The following VCPIP1 variants were observed in gnomAD, a reference collection of about 807,000 sequenced individuals.
VCPIP1 encodes the protein valosin containing protein interacting protein 1.
Under a neutral mutation model 85.0 loss-of-function variants are expected in VCPIP1, and 8 were observed. The ratio of observed to expected loss-of-function variants is 0.09; its 90% confidence interval spans 0.06 to 0.17. The LOEUF is 0.17. Among genes scored for constraint, VCPIP1 ranks in the 10% least tolerant of loss-of-function variants. The pLI is 1.00. For synonymous variants in VCPIP1, 543 were observed against 544.5 expected (o/e 1.00, Z 0.04); for missense variants, 1,070 against 1,486.3 (o/e 0.72, Z 4.61).
At chr8:66,643,058 C>T (rs1810962432) in intron 2 of VCPIP1, among the ~76,000 whole-genome samples, 2 of 152,314 alleles carry the variant, frequency 1.3e-5, no homozygotes, top group East Asian at 1.9e-4. Flanking sequence ...CATGGTGGCT[C>T]ACACCTGTAA....
At chr8:66,643,467 C>T (rs1810966725) in intron 2 of VCPIP1, among the ~76,000 whole-genome samples, 3 of 152,010 alleles carry the variant, frequency 2.0e-5, no homozygotes, top group African/African-American at 7.2e-5. Context: ...TTTGGAAGGC[C>T]AAGGTGGGTA....
intron 2 of VCPIP1, among the ~76,000 whole-genome samples, chr8:66,645,056 C>T (rs1345704643): frequency 6.8e-6 from 1 of 147,304 alleles, no homozygotes; most frequent in East Asian, 2.0e-4. Context: ...GTGGGGGTTG[C>T]AGTGGGCTAA....
At chr8:66,659,311 A>G (rs1399593234) in intron 1 of VCPIP1, among the ~76,000 whole-genome samples, 1 of 151,856 alleles carries the variant, frequency 6.6e-6, no homozygotes, top group African/African-American at 2.4e-5. Flanking sequence ...TGAATGACAT[A>G]TTTTGCAAAG....
At chr8:66,658,341 A>AG (rs200150369) in intron 1 of VCPIP1, among the ~76,000 whole-genome samples, 3,730 of 151,152 alleles carry the variant, frequency 0.025, 133 homozygotes, top group African/African-American at 0.085. Context: ...CTTGGGGAAA[A>AG]AAAAAAAAAA....
chr8:66,639,321 CTTTT>C (rs57563619), intron 2 of VCPIP1, among the ~76,000 whole-genome samples: 1 of 67,814 alleles, frequency 1.5e-5, no homozygotes, highest in East Asian at 5.3e-4. Flanking sequence ...TAATTTTATT[CTTTT>C]TTTTTTTTTT....
At position 66,632,866 on chromosome 8, in the gene VCPIP1, T is replaced by C. The variant is rs1810847690; in HGVS notation, c.*1635A>G. 1.3e-5 allele frequency: 2 copies of C among 152,108 alleles called. No individual in the cohort carries two copies. Among genetic ancestry groups the C allele is most frequent in the African/African-American group, 4.8e-5 (2 of 41,454 alleles). The allele number at this position is 152,108 out of a possible 1,614,324, so 9.4% of individuals were successfully genotyped here. A position where few individuals can be genotyped will look rare whatever the true frequency, so the allele number is the denominator to read the frequency against. ...AAAAGTTTAAAAATTTCCTGCTGTTTTGATAGGGAGAAAATTTAGGATGAA... is the reference window on the plus strand; with the variant it reads ...AAAAGTTTAAAAATTTCCTGCTGTTCTGATAGGGAGAAAATTTAGGATGAA... On this transcript the variant is annotated 3_prime_UTR_variant, in exon 3 of 3. Coordinates refer to ENST00000310421, the MANE Select transcript of VCPIP1 (RefSeq NM_025054.5).
In VCPIP1 at chr8:66,664,969, T is replaced by C; in HGVS notation, c.1990A>G (p.Thr664Ala). 1 of 1,613,682 alleles carries C rather than the reference T, an allele frequency of 6.2e-7. No homozygotes were observed. The highest frequency in any genetic ancestry group is 2.2e-5 in the East Asian group (1 of 44,866). Residue 664 changes from threonine (T) to alanine (A), a missense_variant, in exon 1 of 3, where the codon ACT becomes GCT. By Grantham distance (58) the Thr-to-Ala change is moderately conservative. This residue lies in a region of VCPIP1 where 278 missense variants were observed against 298.5 expected (regional missense o/e 0.93). Coordinates refer to ENST00000310421, the MANE Select transcript of VCPIP1 (RefSeq NM_025054.5). ...QTAKKNPDDY[T>A]PVNIDGAHAQ... ...TGAGCACCATCTATATTTACAGGAG[T>C]ATAATCATCGGGATTCTTTTTGGCA...
chr8:66,657,678 A>G (rs1811113589), intron 1 of VCPIP1, among the ~76,000 whole-genome samples: 1 of 152,226 alleles, frequency 6.6e-6, no homozygotes, highest in African/African-American at 2.4e-5. Flanking sequence ...ACACATCCCA[A>G]TTTATTAATA....
In VCPIP1 at chr8:66,629,418, A is replaced by G. The variant is rs1162514050; in HGVS notation, c.*5083T>C. 1 of 152,220 alleles carries G rather than the reference A, an allele frequency of 6.6e-6. No individual in the cohort carries two copies. The highest frequency in any genetic ancestry group is 1.5e-5 in the Non-Finnish European group (1 of 68,026). The allele number at this position is 152,220 out of a possible 1,614,324, so 9.4% of individuals were successfully genotyped here. A position where few individuals can be genotyped will look rare whatever the true frequency, so the allele number is the denominator to read the frequency against. The stretch of plus-strand genomic sequence containing the variant: ...TACACAAACGTTATTTAGTACTATT[A>G]TCTGTATTTCCTTTCATTTCCTTAT... On this transcript the variant is annotated 3_prime_UTR_variant, in exon 3 of 3. Transcript: ENST00000310421.
intron 2 of VCPIP1, among the ~76,000 whole-genome samples, chr8:66,647,267 G>T (rs1292611599): frequency 6.6e-6 from 1 of 151,780 alleles, no homozygotes; most frequent in East Asian, 1.9e-4. Flanking sequence ...CTTGAATCTG[G>T]GAGGCAGAGG....
chr8:66,650,539 C>T (rs1811041979), intron 2 of VCPIP1, among the ~76,000 whole-genome samples: 1 of 152,098 alleles, frequency 6.6e-6, no homozygotes, highest in Admixed American at 6.6e-5. Context: ...TACACTTGTA[C>T]ACAAGTCTAT....
chr8:66,646,537 T>C (rs1218542685), intron 2 of VCPIP1, among the ~76,000 whole-genome samples: 1 of 152,180 alleles, frequency 6.6e-6, no homozygotes, highest in Non-Finnish European at 1.5e-5. Context: ...GGTTCACGCC[T>C]GTAATCCCAA....
chr8:66,642,243 G>A (rs1810955242), intron 2 of VCPIP1, among the ~76,000 whole-genome samples: 1 of 151,928 alleles, frequency 6.6e-6, no homozygotes, highest in African/African-American at 2.4e-5. Flanking sequence ...TATTTTCTCT[G>A]GAGAGAAATT....
In VCPIP1 at chr8:66,665,080, T is replaced by C. The variant is rs1344256234; in HGVS notation, c.1879A>G (p.Met627Val). 8 of 1,613,956 alleles carry C rather than the reference T, an allele frequency of 5.0e-6. No homozygotes were observed. Among genetic ancestry groups the C allele is most frequent in the African/African-American group, 1.3e-5 (1 of 74,940 alleles). Residue 627 changes from methionine (M) to valine (V), a missense_variant, in exon 1 of 3, where the codon ATG (methionine) becomes GTG (valine). Coordinates refer to ENST00000310421, the MANE Select transcript of VCPIP1 (RefSeq NM_025054.5). This position sits in a 1 kb window ranked among gnomAD's most constrained non-coding sequence, Gnocchi z 4.3. ...SLNSNVYDVA[M>V]KLVTKHFPGE... The stretch of plus-strand genomic sequence containing the variant: ...GGAAAGTGCTTGGTAACAAGTTTCA[T>C]TGCAACATCGTAAACATTACTATTC...
chr8:66,656,576 T>C (rs902742168), intron 1 of VCPIP1, among the ~76,000 whole-genome samples: 1 of 152,216 alleles, frequency 6.6e-6, no homozygotes, highest in African/African-American at 2.4e-5. Context: ...AAAAATCTAA[T>C]ACCTATATGA....
intron 1 of VCPIP1, 23 bp downstream of exon 1, chr8:66,664,226 C>T (rs1811184178): frequency 1.3e-6 from 2 of 1,514,798 alleles, no homozygotes; most frequent in South Asian, 1.4e-5. Context: ...TAAGATATAC[C>T]ATCAGAATTA....
intron 2 of VCPIP1, among the ~76,000 whole-genome samples, chr8:66,649,060 G>A (rs1021933740): frequency 1.1e-4 from 17 of 152,048 alleles, no homozygotes; most frequent in African/African-American, 3.6e-4. Context: ...CTACTCAGTA[G>A]GGTGAAGGAT....
At position 66,629,138 on chromosome 8, in the gene VCPIP1, ACTAT is replaced by A. The variant is rs1277289190; in HGVS notation, c.*5359_*5362del. 6.6e-6 allele frequency: 1 copy of A among 152,204 alleles called. No individual in the cohort carries two copies. The highest frequency in any genetic ancestry group is 1.5e-5 in the Non-Finnish European group (1 of 68,048). 9.4% of individuals were successfully genotyped at this position (152,204 alleles called of 1,614,324 possible). On this transcript the variant is annotated 3_prime_UTR_variant, in exon 3 of 3. Coordinates refer to ENST00000310421, the MANE Select transcript of VCPIP1 (RefSeq NM_025054.5). ...TAACATAGCAAATATTTGAGTGTTT[ACTAT>A]GTGTCAGGCACTCTTCTAATCATCA...
chr8:66,665,724 CTAAG>C lies in VCPIP1; in HGVS notation c.1231_1234del (p.Leu411GlyfsTer34), dbSNP rs781116776. ...GACTTCTTCCATAGCAGCAACAAGC[CTAAG>C]TAAGTATTTATCTTGCAAACTTCTG... On this transcript the variant is annotated frameshift_variant, in exon 1 of 3. Coordinates refer to ENST00000310421, the MANE Select transcript of VCPIP1 (RefSeq NM_025054.5). LOFTEE classifies it high-confidence loss of function. The surrounding 1 kb of genome is among the most constrained non-coding windows in gnomAD (Gnocchi z 4.3). The C allele has an allele frequency of 1.9e-6, 3 of 1,614,116 alleles. No individual in the cohort carries two copies. Among genetic ancestry groups the C allele is most frequent in the South Asian group, 1.1e-5 (1 of 91,072 alleles).
Sources: gnomAD v4.1 joint callset for allele counts (sites outside exome capture counted in the v4.1 genomes callset) on GRCh38, gnomAD v4.1.1 for gene constraint, gnomAD v4.1.1 regional missense constraint, Gnocchi (gnomAD v3.1) non-coding constraint, MANE v1.5 for transcripts, NCBI Gene and HGNC (gene_info 2026-07-23, HGNC 2026-07-21) for gene names.